BCAM: variants seen among roughly 807,000 people sequenced by gnomAD.
BCAM encodes the protein basal cell adhesion molecule (Lutheran blood group), also known as basal cell adhesion molecule.
In BCAM, 61 loss-of-function variants were observed where a neutral mutation model predicts 72.4. That is an observed-to-expected ratio of 0.84 (90% CI 0.69 to 1.04). The LOEUF (loss-of-function observed/expected upper bound fraction) is 1.04. Ranked by LOEUF, BCAM falls within the 50% of genes least tolerant of loss-of-function variation. The pLI is 0.00. For synonymous variants in BCAM, 408 were observed against 384.2 expected, an observed-to-expected ratio of 1.06 and a Z score of -0.73; for missense variants, 909 against 895.0, an observed-to-expected ratio of 1.02 and a Z score of -0.20.
At chr19:44,809,353 C>A in intron 1 of BCAM, 147 bp downstream of exon 1, 1 of 614,102 alleles carries the variant, frequency 1.6e-6, no homozygotes, top group Non-Finnish European at 2.4e-6. Flanking sequence ...GGAAGGTACG[C>A]CTTCCAGTGA....
At position 44,814,135 on chromosome 19, in the gene BCAM, C is replaced by T. The variant is rs770699287; in HGVS notation, c.785-17C>T. 3 of 1,572,344 alleles carry T rather than the reference C, an allele frequency of 1.9e-6. No individual in the cohort carries two copies. The highest frequency in any genetic ancestry group is 2.3e-5 in the South Asian group (2 of 87,040). On this transcript the variant is annotated splice_polypyrimidine_tract_variant and intron_variant, in intron 6 of 14. Coordinates refer to ENST00000270233, the MANE Select transcript of BCAM (RefSeq NM_005581.5). This position sits in a 1 kb window ranked among gnomAD's most constrained non-coding sequence, Gnocchi z 4.6. ...CTTCCCCTGATCACAATTCCCATCT[C>T]CCTGCCCTTCCCTTAGATCCCACGG...
intron 13 of BCAM, 73 bp downstream of exon 13, chr19:44,819,799 A>G (rs1568574998): frequency 6.8e-7 from 1 of 1,476,188 alleles, no homozygotes; most frequent in Non-Finnish European, 9.0e-7. Flanking sequence ...AGCTCAACCC[A>G]TAACCTCAAC....
Position 44,813,801 on chromosome 19 carries a change from G to A in BCAM, c.784+181G>A. 1 of 887,998 alleles carries A rather than the reference G, an allele frequency of 1.1e-6. No homozygotes were observed. The highest frequency in any genetic ancestry group is 1.7e-6 in the Non-Finnish European group (1 of 600,112). 55.0% of individuals were successfully genotyped at this position (887,998 alleles called of 1,614,324 possible). A position where few individuals can be genotyped will look rare whatever the true frequency, so the allele number is the denominator to read the frequency against. ...CAATTGGTCGCACAAGCCCCATCCT[G>A]ACCTCTGACCTCCGACCTCCACTTA... On this transcript the variant is annotated intron_variant, in intron 6 of 14. Transcript: ENST00000270233. This position sits in a 1 kb window ranked among gnomAD's most constrained non-coding sequence, Gnocchi z 4.2.
Position 44,816,049 on chromosome 19 carries a change from G to A in BCAM, c.1078+1289G>A, listed in dbSNP as rs117876109. 2.9e-3 allele frequency among the ~76,000 whole-genome samples: 442 copies of A among 152,062 alleles called. 4 individuals are homozygous for A. Among genetic ancestry groups the A allele is most frequent in the Non-Finnish European group, 4.6e-3 (313 of 67,998 alleles). ...AATAAAAAAGTAGGCCGGGCCCCGT[G>A]GCTCATGCCTGTAATCCCAACACTT... On this transcript the variant is annotated intron_variant, in intron 8 of 14. Transcript: ENST00000270233.
intron 2 of BCAM, chr19:44,811,919 G>A (rs889275062): frequency 2.5e-5 from 14 of 564,122 alleles, no homozygotes; most frequent in Admixed American, 7.2e-5. Context: ...AGACAATCGG[G>A]AGAGGGAGAG....
upstream of BCAM, chr19:44,809,063 G>T (rs1968380566): frequency 2.3e-5 from 28 of 1,235,356 alleles, no homozygotes; most frequent in Non-Finnish European, 2.8e-5. Flanking sequence ...CGGGGCCTCT[G>T]GCTCCCAGCC....
chr19:44,811,335 G>C lies in BCAM; in HGVS notation c.193G>C (p.Glu65Gln). The change falls in exon 2 of 15, where the codon GAA becomes CAA. Residue 65 changes from glutamate to glutamine, a missense_variant. Transcript: ENST00000270233. ...PTGTHDHYML[E>Q]WFLTDRSGAR... ...GGGAACCCACGACCATTATATGCTG[G>C]AATGGTTCCTTGTGAGTGCTTGGGG... 6 of 1,613,444 alleles carry C rather than the reference G, an allele frequency of 3.7e-6. No individual in the cohort carries two copies. Among genetic ancestry groups the C allele is most frequent in the Non-Finnish European group, 5.1e-6 (6 of 1,179,694 alleles).
At position 44,814,819 on chromosome 19, in the gene BCAM, C is replaced by T. The variant is rs1434916679; in HGVS notation, c.1078+59C>T. 2.6e-6 allele frequency: 4 copies of T among 1,542,190 alleles called. No individual in the cohort carries two copies. The highest frequency in any genetic ancestry group is 2.6e-6 in the Non-Finnish European group (3 of 1,144,334). On this transcript the variant is annotated intron_variant, in intron 8 of 14. Transcript: ENST00000270233. The surrounding 1 kb of genome is among the most constrained non-coding windows in gnomAD (Gnocchi z 4.6). ...GGCCCTGGCATCAGTGCCTCTGCGC[C>T]CTCCTCCCTACAGCCCTGAAGTTGC...
chr19:44,809,246 GC>G (rs1462568952), intron 1 of BCAM, 40 bp downstream of exon 1: 4 of 1,370,500 alleles, frequency 2.9e-6, no homozygotes, highest in Non-Finnish European at 3.8e-6. Context: ...CTGGGGAGAG[GC>G]CCCTGGGGAC....
At position 44,821,093 on chromosome 19, in the gene BCAM, T is replaced by C. The variant is rs1599891413; in HGVS notation, c.*172T>C. On this transcript the variant is annotated 3_prime_UTR_variant, in exon 15 of 15. Coordinates refer to ENST00000270233, the MANE Select transcript of BCAM (RefSeq NM_005581.5). ...CAGGGACCCACAGTGGCTGCCTGCCTCCGGGAGGGAAGGAGAGGGAGGGTG... is the reference window on the plus strand; with the variant it reads ...CAGGGACCCACAGTGGCTGCCTGCCCCCGGGAGGGAAGGAGAGGGAGGGTG... 4 of 455,742 alleles carry C rather than the reference T, an allele frequency of 8.8e-6. No individual in the cohort carries two copies. The highest frequency in any genetic ancestry group is 8.7e-4 in the Middle Eastern group (1 of 1,152). The allele number at this position is 455,742 out of a possible 1,614,324, so 28.2% of individuals were successfully genotyped here.
intron 2 of BCAM, chr19:44,811,550 C>T: frequency 2.7e-6 from 2 of 734,794 alleles, no homozygotes; most frequent in Non-Finnish European, 4.2e-6. Flanking sequence ...CATTGACCTG[C>T]TCTGGACTGC....
rs751255771 is a variant in BCAM at position 44,820,897 on chromosome 19, C to T, written c.1882-19C>T. ...AGCACGCCCGTGGGCACAGGCTGAC[C>T]TCTCCATCCGCTCCCCAGTGCTGAG... is the stretch of plus-strand genomic sequence containing the variant. On this transcript the variant is annotated intron_variant, in intron 14 of 14. Transcript: ENST00000270233. 4 of 1,560,054 alleles carry T rather than the reference C, an allele frequency of 2.6e-6. No homozygotes were observed. In the South Asian group the frequency reaches 3.6e-5, roughly 14 times the overall value.
intron 2 of BCAM, 122 bp downstream of exon 2, chr19:44,811,468 G>T (rs965181772): frequency 6.0e-6 from 9 of 1,506,962 alleles, no homozygotes; most frequent in Middle Eastern, 1.8e-4. Flanking sequence ...TACAGATGGG[G>T]TCACTGAGTC....
rs746833944 is a variant in BCAM at position 44,814,562 on chromosome 19, G to C, written c.922-42G>C. The C allele has an allele frequency of 6.3e-7, 1 of 1,597,470 alleles. No homozygotes were observed. Among genetic ancestry groups the C allele is most frequent in the African/African-American group, 1.3e-5 (1 of 74,796 alleles). ...TGACCTAGCATGAGCCCGCTGAACC[G>C]GGGTGGCTTCTGAGCCTGGTTCCTC... On this transcript the variant is annotated intron_variant, in intron 7 of 14. Coordinates refer to ENST00000270233, the MANE Select transcript of BCAM (RefSeq NM_005581.5). This position sits in a 1 kb window ranked among gnomAD's most constrained non-coding sequence, Gnocchi z 4.6.
Position 44,813,458 on chromosome 19 carries a change from A to ACGGTC in BCAM, c.626_630dup (p.Glu211SerfsTer106), listed in dbSNP as rs766610694. The ACGGTC allele has an allele frequency of 5.0e-5, 80 of 1,611,324 alleles. No individual in the cohort carries two copies. The highest frequency in any genetic ancestry group is 6.4e-5 in the Non-Finnish European group (76 of 1,179,616). ...CCCAGAGGGCTACATGACCAGCCGC[A>ACGGTC]CGGTCCGGGAGGCCTCGGGCCTGCT... On this transcript the variant is annotated frameshift_variant, in exon 6 of 15. Transcript: ENST00000270233. LOFTEE classifies it high-confidence loss of function. This position sits in a 1 kb window ranked among gnomAD's most constrained non-coding sequence, Gnocchi z 4.2.
rs28399631 is a variant in BCAM, at chr19:44,819,120, C to T, written c.1401C>T (p.Asp467=). ...PKADGSWREG[D]EVTLICSARG... The stretch of plus-strand genomic sequence containing the variant: ...CAGATGGCAGCTGGAGGGAAGGAGA[C>T]GAAGTCACACTCATCTGCTCTGCCC... The change falls in exon 11 of 15, where the codon GAC becomes GAT. Residue 467 remains aspartate (D), a synonymous_variant. Transcript: ENST00000270233. 217 of 1,613,992 alleles carry T rather than the reference C, an allele frequency of 1.3e-4. No individual in the cohort carries two copies. The highest frequency in any genetic ancestry group is 6.6e-4 in the Middle Eastern group (4 of 6,082).
In BCAM at chr19:44,812,152, C is replaced by G. The variant is rs375887918; in HGVS notation, c.205-11C>G. Reference sequence around the variant, plus strand: ...GACACCCGGAGCTGAGAGCCTGCCCCGCGCCCACAGACCGACCGCTCGGGA... The same window carrying G: ...GACACCCGGAGCTGAGAGCCTGCCCGGCGCCCACAGACCGACCGCTCGGGA... On this transcript the variant is annotated splice_polypyrimidine_tract_variant and intron_variant, in intron 2 of 14. Coordinates refer to ENST00000270233, the MANE Select transcript of BCAM (RefSeq NM_005581.5). The surrounding 1 kb of genome is among the most constrained non-coding windows in gnomAD (Gnocchi z 5.3). 1 of 1,589,844 alleles carries G rather than the reference C, an allele frequency of 6.3e-7. No homozygotes were observed. Among genetic ancestry groups the G allele is most frequent in the Non-Finnish European group, 8.5e-7 (1 of 1,172,744 alleles).
Position 44,814,322 on chromosome 19 carries a change from C to A in BCAM, c.921+34C>A. The stretch of plus-strand genomic sequence containing the variant: ...CCCAAGGGTCCCTCTGGGATCCACC[C>A]CCCAGCCCCTGACCTCTGTGACCTG... On this transcript the variant is annotated intron_variant, in intron 7 of 14. Transcript: ENST00000270233. This position sits in a 1 kb window ranked among gnomAD's most constrained non-coding sequence, Gnocchi z 4.6. 1 of 1,570,832 alleles carries A rather than the reference C, an allele frequency of 6.4e-7. No individual in the cohort carries two copies.
At chr19:44,817,788 C>T (rs1968522158) in intron 8 of BCAM, among the ~76,000 whole-genome samples, 1 of 152,164 alleles carries the variant, frequency 6.6e-6, no homozygotes, top group African/African-American at 2.4e-5. Context: ...AGGTGATGCA[C>T]CCGCCTCGGC....
Sources: allele counts gnomAD v4.1 joint callset (sites outside exome capture counted in the v4.1 genomes callset), GRCh38; gene constraint gnomAD v4.1.1; non-coding constraint Gnocchi (gnomAD v3.1); transcripts MANE v1.5; gene names NCBI Gene and HGNC (gene_info 2026-07-23, HGNC 2026-07-21).